Variants in POLR3B observed in about 807,000 individuals in gnomAD.
The protein encoded by POLR3B is RNA polymerase III subunit B.
In POLR3B, 96 loss-of-function variants were observed where a neutral mutation model predicts 147.4. That is an observed-to-expected ratio of 0.65 (90% confidence interval 0.55 to 0.77). POLR3B has a LOEUF of 0.77. Among genes scored for constraint, POLR3B ranks in the 30% least tolerant of loss-of-function variants. The probability of loss-of-function intolerance (pLI) is 0.00; values close to 1 mark genes in which losing one functional copy is unlikely to be tolerated. For synonymous variants in POLR3B, 461 were observed against 485.9 expected, an observed-to-expected ratio of 0.95 and a Z score of 0.67; for missense variants, 1,036 against 1,413.5, an observed-to-expected ratio of 0.73 and a Z score of 4.28.
rs974446295 is a variant in POLR3B, at chr12:106,421,995, C to T, written c.1102-5202C>T. Among the ~76,000 whole-genome samples, 13 of 152,274 alleles carry T rather than the reference C, an allele frequency of 8.5e-5. No individual in the cohort carries two copies. The South Asian group carries it at 1.5e-3, about 17-fold the overall frequency. On this transcript the variant is annotated intron_variant, in intron 12 of 27. Coordinates refer to ENST00000228347, the MANE Select transcript of POLR3B (RefSeq NM_018082.6). ...GATTACAGGCATGAGCCACGGTGCC[C>T]GGCCAACTTTATAGTATTTTAAAGT...
At chr12:106,359,689 T>G (rs1269330376) in intron 1 of POLR3B, among the ~76,000 whole-genome samples, 1 of 152,232 alleles carries the variant, frequency 6.6e-6, no homozygotes, top group African/African-American at 2.4e-5. Flanking sequence ...ACTGAGCACT[T>G]GCTAATGTGC....
intron 1 of POLR3B, among the ~76,000 whole-genome samples, chr12:106,363,326 G>A (rs2036492854): frequency 6.6e-6 from 1 of 152,102 alleles, no homozygotes; most frequent in African/African-American, 2.4e-5. Flanking sequence ...ATTTCTAGTA[G>A]CCCCTCCACA....
rs1398016974 is a variant in POLR3B at position 106,469,543 on chromosome 12, A to T, written c.2713+5923A>T. On this transcript the variant is annotated intron_variant, in intron 23 of 27. Coordinates refer to ENST00000228347, the MANE Select transcript of POLR3B (RefSeq NM_018082.6). ...TTAATTGATGCAGTTTCTTCATAGC[A>T]TCGATGGTCTTTACAATTTGGCATG... is the stretch of plus-strand genomic sequence containing the variant. Among the ~76,000 whole-genome samples the T allele has an allele frequency of 2.0e-5, 3 of 152,124 alleles. No homozygotes were observed. The East Asian group carries it at 5.8e-4, about 29-fold the overall frequency.
In POLR3B at chr12:106,462,891, G is replaced by T. The variant is rs76075225; in HGVS notation, c.2571-587G>T. Reference sequence around the variant, plus strand: ...GTCATCCCCCACCCCCAGCAGAATTGACTATCTCCTTTGAGCCTCTCCTGT... The same window carrying T: ...GTCATCCCCCACCCCCAGCAGAATTTACTATCTCCTTTGAGCCTCTCCTGT... On this transcript the variant is annotated intron_variant, in intron 22 of 27. Coordinates refer to ENST00000228347, the MANE Select transcript of POLR3B (RefSeq NM_018082.6). Among the ~76,000 whole-genome samples, 945 of 152,038 alleles carry T rather than the reference G, an allele frequency of 6.2e-3. 9 individuals carry two copies. The highest frequency in any genetic ancestry group is 0.022 in the African/African-American group (914 of 41,484).
At chr12:106,469,269 C>CTTCT (rs1555215963) in intron 23 of POLR3B, among the ~76,000 whole-genome samples, 2 of 128,430 alleles carry the variant, frequency 1.6e-5, no homozygotes, top group Non-Finnish European at 3.3e-5. Context: ...GCAACCCCTG[C>CTTCT]TTTTTTTTTT....
At chr12:106,408,937 GGGTGATGGAC>G (rs2037184849) in intron 11 of POLR3B, among the ~76,000 whole-genome samples, 1 of 152,142 alleles carries the variant, frequency 6.6e-6, no homozygotes, top group South Asian at 2.1e-4. Context: ...AATCCCAAGG[GGGTGATGGAC>G]TGTACCTCTA....
rs897687001 is a variant in POLR3B, at chr12:106,416,244, G to A, written c.1101+5284G>A. Reference sequence around the variant, plus strand: ...TAATCAGTTAAATGTGTCTGTTGCTGCAGAAATTGACATATACCTGTTTGT... The same window carrying A: ...TAATCAGTTAAATGTGTCTGTTGCTACAGAAATTGACATATACCTGTTTGT... On this transcript the variant is annotated intron_variant, in intron 12 of 27. Coordinates refer to ENST00000228347, the MANE Select transcript of POLR3B (RefSeq NM_018082.6). Among the ~76,000 whole-genome samples, 17 of 152,318 alleles carry A rather than the reference G, an allele frequency of 1.1e-4. No individual in the cohort carries two copies. The East Asian group carries it at 2.9e-3, about 26-fold the overall frequency.
intron 23 of POLR3B, among the ~76,000 whole-genome samples, chr12:106,484,770 G>A (rs1487546817): frequency 6.6e-6 from 1 of 152,094 alleles, no homozygotes; most frequent in East Asian, 1.9e-4. Flanking sequence ...AGGATACAAA[G>A]GAGCCAGCCG....
chr12:106,503,785 C>T (rs893769808), intron 26 of POLR3B, among the ~76,000 whole-genome samples: 1 of 152,164 alleles, frequency 6.6e-6, no homozygotes, highest in Non-Finnish European at 1.5e-5. Flanking sequence ...ATGGTGTTTT[C>T]TGTGATTATA....
intron 8 of POLR3B, among the ~76,000 whole-genome samples, chr12:106,378,688 C>A (rs2036716410): frequency 2.0e-5 from 3 of 152,160 alleles, no homozygotes; most frequent in Non-Finnish European, 4.4e-5. Flanking sequence ...CAGTTTTTCA[C>A]ACTCCTTTTC....
chr12:106,495,861 C>G, intron 23 of POLR3B, 194 bp from the exon 24 acceptor site: 2 of 677,146 alleles, frequency 3.0e-6, no homozygotes, highest in Admixed American at 2.0e-5. Flanking sequence ...CAGTGCCTTT[C>G]GCAAGGAGAG....
intron 12 of POLR3B, among the ~76,000 whole-genome samples, chr12:106,418,813 A>G (rs2037338297): frequency 6.6e-6 from 1 of 152,188 alleles, no homozygotes; most frequent in Non-Finnish European, 1.5e-5. Context: ...CTGCTCTGTG[A>G]ACTTGGACAG....
intron 23 of POLR3B, among the ~76,000 whole-genome samples, chr12:106,494,188 T>G (rs1267428859): frequency 6.6e-6 from 1 of 152,202 alleles, no homozygotes; most frequent in Admixed American, 6.5e-5. Context: ...TTGAATTTGC[T>G]TAATTAAATG....
chr12:106,412,029 C>A (rs1167152126), intron 12 of POLR3B, among the ~76,000 whole-genome samples: 1 of 152,144 alleles, frequency 6.6e-6, no homozygotes. Flanking sequence ...AAAACCTTTG[C>A]TGCTAATTTC....
At chr12:106,422,956 A>C (rs181075247) in intron 12 of POLR3B, among the ~76,000 whole-genome samples, 29 of 152,140 alleles carry the variant, frequency 1.9e-4, no homozygotes, top group Admixed American at 3.3e-4. Flanking sequence ...CTTTTCATTT[A>C]TTTTGGTTTT....
intron 2 of POLR3B, among the ~76,000 whole-genome samples, chr12:106,364,781 C>T (rs1240675629): frequency 3.9e-5 from 6 of 152,224 alleles, no homozygotes; most frequent in Admixed American, 3.9e-4. Flanking sequence ...AAAAAGAAAG[C>T]AGGTACCCGC....
chr12:106,490,691 T>C (rs2038395606), intron 23 of POLR3B, among the ~76,000 whole-genome samples: 3 of 152,048 alleles, frequency 2.0e-5, no homozygotes, highest in Non-Finnish European at 4.4e-5. Flanking sequence ...ATTCGATAGC[T>C]GGAAAAGGGG....
At chr12:106,398,039 C>T (rs1402355033) in intron 10 of POLR3B, among the ~76,000 whole-genome samples, 1 of 152,244 alleles carries the variant, frequency 6.6e-6, no homozygotes, top group Non-Finnish European at 1.5e-5. Flanking sequence ...CGACGCATCA[C>T]CTCACCCAGG....
At chr12:106,451,623 T>TA (rs1355818765) in intron 19 of POLR3B, among the ~76,000 whole-genome samples, 1 of 63,216 alleles carries the variant, frequency 1.6e-5, no homozygotes, top group Non-Finnish European at 2.7e-5. Flanking sequence ...CTCTGTTATT[T>TA]AAAAAAAGGC....
Sources: gnomAD v4.1 joint callset for allele counts (sites outside exome capture counted in the v4.1 genomes callset) on GRCh38, gnomAD v4.1.1 for gene constraint, MANE v1.5 for transcripts, NCBI Gene and HGNC (gene_info 2026-07-23, HGNC 2026-07-21) for gene names.